RPTOR: variants seen among roughly 807,000 people sequenced by gnomAD.
The protein encoded by RPTOR is regulatory-associated protein of mTOR.
In RPTOR, 21 loss-of-function variants were observed where a neutral mutation model predicts 169.9. That is an observed-to-expected ratio of 0.12 (90% confidence interval 0.09 to 0.18). The LOEUF is 0.18. Ranked by LOEUF, RPTOR falls within the 10% of genes least tolerant of loss-of-function variation. The pLI is 1.00. For missense variants in RPTOR, 1,133 were observed against 1,855.9 expected (o/e 0.61, Z 7.16); for synonymous variants, 732 against 753.2 (o/e 0.97, Z 0.46).
At chr17:80,643,938 C>T (rs754028269) in intron 3 of RPTOR, 128 bp downstream of exon 3, 5 of 704,640 alleles carry the variant, frequency 7.1e-6, no homozygotes, top group South Asian at 3.9e-5. Flanking sequence ...ATGGCGCCTG[C>T]GCACTGCGTT....
At chr17:80,738,984 C>CT (rs57369680) in intron 5 of RPTOR, among the ~76,000 whole-genome samples, 83,471 of 151,826 alleles carry the variant, frequency 0.55, 23,180 homozygotes, top group African/African-American at 0.58. Context: ...AGAGTTTAAC[C>CT]TTTTTTTTGT....
At chr17:80,563,423 C>T in intron 1 of RPTOR, among the ~76,000 whole-genome samples, 1 of 151,394 alleles carries the variant, frequency 6.6e-6, no homozygotes, top group East Asian at 1.9e-4. Flanking sequence ...GTCCCAGCTA[C>T]TTGGGAGGCT....
chr17:80,700,511 ATGG>A (rs1233989341), intron 3 of RPTOR, among the ~76,000 whole-genome samples: 12 of 58,084 alleles, frequency 2.1e-4, no homozygotes, highest in African/African-American at 3.4e-4. Context: ...GATGATGGTG[ATGG>A]TGATGGTGGT....
chr17:80,833,164 G>T (rs1480655617), intron 9 of RPTOR, among the ~76,000 whole-genome samples: 1 of 152,226 alleles, frequency 6.6e-6, no homozygotes, highest in Non-Finnish European at 1.5e-5. Flanking sequence ...CTTGGACTTG[G>T]ACGGTTTTCC....
At chr17:80,894,430 C>T (rs1267644698) in intron 20 of RPTOR, among the ~76,000 whole-genome samples, 14 of 152,208 alleles carry the variant, frequency 9.2e-5, no homozygotes, top group Admixed American at 7.2e-4. Flanking sequence ...ACTTTCCCTC[C>T]ATCCCAGCAG....
intron 21 of RPTOR, among the ~76,000 whole-genome samples, chr17:80,921,998 TCA>T (rs2068750998): frequency 6.6e-6 from 1 of 152,084 alleles, no homozygotes; most frequent in African/African-American, 2.4e-5. Flanking sequence ...CCAGGCCCCG[TCA>T]CAGTCCAGGC....
intron 13 of RPTOR, among the ~76,000 whole-genome samples, chr17:80,879,453 G>T (rs1445004470): frequency 7.0e-6 from 1 of 143,232 alleles, no homozygotes; most frequent in African/African-American, 2.6e-5. Flanking sequence ...CCACATCCCG[G>T]GCCTGGACCT....
intron 21 of RPTOR, among the ~76,000 whole-genome samples, chr17:80,915,946 T>C (rs1032355968): frequency 1.3e-5 from 2 of 152,128 alleles, no homozygotes; most frequent in African/African-American, 4.8e-5. Context: ...AGAACACTTA[T>C]CAGGACAGTC....
At chr17:80,685,625 A>ATTTTTTTTTTTTTTTTTTTT (rs1567856556) in intron 3 of RPTOR, among the ~76,000 whole-genome samples, 1 of 35,346 alleles carries the variant, frequency 2.8e-5, no homozygotes, top group Non-Finnish European at 4.7e-5. Flanking sequence ...ATATATATAT[A>ATTTTTTTTTTTTTTTTTTTT]TATTTTTTTT....
intron 11 of RPTOR, among the ~76,000 whole-genome samples, chr17:80,849,096 C>A (rs1359257856): frequency 6.6e-6 from 1 of 152,194 alleles, no homozygotes. Flanking sequence ...CTTCATTTGA[C>A]GTACCCCCCG....
At chr17:80,737,810 C>CCCCCG (rs370262974) in intron 5 of RPTOR, among the ~76,000 whole-genome samples, 4 of 99,200 alleles carry the variant, frequency 4.0e-5, no homozygotes, top group African/African-American at 1.1e-4. Context: ...TTCTCCCCCG[C>CCCCCG]CCCCCCGCCA....
rs11368629 is a variant in RPTOR at position 80,682,108 on chromosome 17, C to CT, written c.349-25733_349-25732insT. ...CATGTGGTGAAAGATGTGATTAGGT[C>CT]CCCCCCCCCACCCCAAACAAAGTCT... On this transcript the variant is annotated intron_variant, in intron 3 of 33. Transcript: ENST00000306801. Among the ~76,000 whole-genome samples, 130 of 58,090 alleles carry CT rather than the reference C, an allele frequency of 2.2e-3. 2 individuals are homozygous for CT. Among genetic ancestry groups the CT allele is most frequent in the Middle Eastern group, 8.8e-3 (1 of 114 alleles). The allele number at this position is 58,090 out of a possible 152,430, so 38.1% of individuals were successfully genotyped here.
At chr17:80,616,759 T>C (rs1451422703) in intron 1 of RPTOR, among the ~76,000 whole-genome samples, 2 of 135,870 alleles carry the variant, frequency 1.5e-5, no homozygotes, top group Admixed American at 7.3e-5. Context: ...TGGGAAGGAG[T>C]GGAGAAAAAA....
At chr17:80,827,006 C>T (rs1318821720) in intron 9 of RPTOR, among the ~76,000 whole-genome samples, 4 of 152,208 alleles carry the variant, frequency 2.6e-5, no homozygotes, top group East Asian at 3.8e-4. Flanking sequence ...GTCAGCCGCT[C>T]GGCCCGCGGG....
intron 24 of RPTOR, among the ~76,000 whole-genome samples, chr17:80,929,161 A>G (rs753803345): frequency 1.3e-5 from 2 of 152,258 alleles, no homozygotes; most frequent in Admixed American, 6.5e-5. Flanking sequence ...TTAGAATACT[A>G]TACAACCATT....
Position 80,960,294 on chromosome 17 carries a change from A to G in RPTOR, c.3605+89A>G. ...GTGTCACTGCCATTTGGTTGGGTCC[A>G]GGTTTCTCAGTGAGATGCAAAGCTT... On this transcript the variant is annotated intron_variant, in intron 30 of 33. Transcript: ENST00000306801. The surrounding 1 kb of genome is among the most constrained non-coding windows in gnomAD (Gnocchi z 4.8). 2 of 1,544,738 alleles carry G rather than the reference A, an allele frequency of 1.3e-6. No homozygotes were observed. The highest frequency in any genetic ancestry group is 1.2e-5 in the South Asian group (1 of 86,286).
At chr17:80,744,478 CTA>C (rs2066541301) in intron 5 of RPTOR, among the ~76,000 whole-genome samples, 1 of 107,210 alleles carries the variant, frequency 9.3e-6, no homozygotes, top group Non-Finnish European at 2.0e-5. Flanking sequence ...GCCCTGGTTA[CTA>C]GCACAGCCCT....
Position 80,945,787 on chromosome 17 carries a change from C to T in RPTOR, c.3140+6C>T, listed in dbSNP as rs1483650276. 8.3e-6 allele frequency: 13 copies of T among 1,573,222 alleles called. No individual in the cohort carries two copies. Among genetic ancestry groups the T allele is most frequent in the Non-Finnish European group, 1.1e-5 (13 of 1,154,728 alleles). ...GCCGACAAGGACAGCATCTGGTATG[C>T]ACCGCGCTGGTCAGGCCTCCCTTCC... On this transcript the variant is annotated splice_donor_region_variant and intron_variant, in intron 26 of 33. Transcript: ENST00000306801.
intron 3 of RPTOR, among the ~76,000 whole-genome samples, chr17:80,683,690 C>G (rs1327977843): frequency 6.6e-6 from 1 of 152,214 alleles, no homozygotes; most frequent in Non-Finnish European, 1.5e-5. Context: ...CATCAATCAT[C>G]TGCTACTGTC....
Sources: allele counts gnomAD v4.1 joint callset (sites outside exome capture counted in the v4.1 genomes callset), GRCh38; gene constraint gnomAD v4.1.1; non-coding constraint Gnocchi (gnomAD v3.1); transcripts MANE v1.5; gene names NCBI Gene and HGNC (gene_info 2026-07-23, HGNC 2026-07-21).